The following ANKS1B variants were observed in gnomAD, a reference collection of about 807,000 sequenced individuals.
The protein encoded by ANKS1B is ankyrin repeat and sterile alpha motif domain-containing protein 1B.
ANKS1B carries 36 observed loss-of-function variants against 148.3 expected under a neutral mutation model. The observed-to-expected ratio is 0.24, with a 90% confidence interval of 0.19 to 0.32. The LOEUF (loss-of-function observed/expected upper bound fraction) is 0.32. Ranked by LOEUF, ANKS1B falls within the 10% of genes least tolerant of loss-of-function variation. The pLI, the probability that ANKS1B is intolerant of heterozygous loss-of-function variation, is 1.00. For missense variants in ANKS1B, 1,157 were observed against 1,542.6 expected (o/e 0.75, Z 4.19); for synonymous variants, 542 against 560.8 (o/e 0.97, Z 0.47).
chr12:98,825,147 A>G (rs2099237440), intron 19 of ANKS1B, among the ~76,000 whole-genome samples: 1 of 152,150 alleles, frequency 6.6e-6, no homozygotes, highest in African/African-American at 2.4e-5. Flanking sequence ...AGATGTGCAC[A>G]TAGGCTCTTG....
At chr12:99,447,012 C>G (rs1264309792) in intron 10 of ANKS1B, among the ~76,000 whole-genome samples, 1 of 151,816 alleles carries the variant, frequency 6.6e-6, no homozygotes, top group Admixed American at 6.6e-5. Flanking sequence ...CCTGAATAGA[C>G]AAAGCAACCT....
At chr12:99,875,340 T>C (rs944357620) in intron 1 of ANKS1B, among the ~76,000 whole-genome samples, 1 of 152,156 alleles carries the variant, frequency 6.6e-6, no homozygotes, top group Admixed American at 6.5e-5. Flanking sequence ...GAAAGCCAGC[T>C]TGTAGATTTG....
chr12:99,978,379 G>T (rs560622772), intron 1 of ANKS1B, among the ~76,000 whole-genome samples: 9 of 152,232 alleles, frequency 5.9e-5, no homozygotes, highest in South Asian at 4.1e-4. Flanking sequence ...GGAGAAAGAG[G>T]TCAATACCAA....
chr12:99,098,201 T>C lies in ANKS1B; in HGVS notation c.2527-13178A>G, dbSNP rs561381970. 2.6e-5 allele frequency among the ~76,000 whole-genome samples: 4 copies of C among 152,294 alleles called. No homozygotes were observed. The South Asian group carries it at 8.3e-4, about 32-fold the overall frequency. ...TAGGAACTTGGCTGAGATCACACAG[T>C]AAGTGGCAGAGCTGCTTTGGAAATG... is the stretch of plus-strand genomic sequence containing the variant. On this transcript the variant is annotated intron_variant, in intron 15 of 26. Coordinates refer to ENST00000683438, the MANE Select transcript of ANKS1B (RefSeq NM_001352186.2).
At chr12:99,872,408 T>C (rs547882580) in intron 1 of ANKS1B, among the ~76,000 whole-genome samples, 2 of 152,218 alleles carry the variant, frequency 1.3e-5, no homozygotes, top group African/African-American at 4.8e-5. Flanking sequence ...TCTGTATGTA[T>C]GATATACTTC....
At chr12:99,201,878 C>T (rs1036511168) in intron 14 of ANKS1B, among the ~76,000 whole-genome samples, 56 of 152,208 alleles carry the variant, frequency 3.7e-4, no homozygotes, top group African/African-American at 1.3e-3. Context: ...TTTTTAAGAG[C>T]TACTGTGTAA....
chr12:99,477,882 G>T (rs1461054384), intron 10 of ANKS1B, among the ~76,000 whole-genome samples: 1 of 152,056 alleles, frequency 6.6e-6, no homozygotes, highest in Non-Finnish European at 1.5e-5. Context: ...TAGAAATAAA[G>T]GCACCTCAGT....
At chr12:99,718,378 C>A (rs925608676) in intron 8 of ANKS1B, among the ~76,000 whole-genome samples, 3 of 152,082 alleles carry the variant, frequency 2.0e-5, no homozygotes, top group Admixed American at 6.5e-5. Context: ...TGTATCCCCC[C>A]ACCTTAACCC....
intron 12 of ANKS1B, among the ~76,000 whole-genome samples, chr12:99,376,459 G>A (rs184157081): frequency 6.6e-6 from 1 of 152,290 alleles, no homozygotes; most frequent in East Asian, 1.9e-4. Flanking sequence ...TTTCAGGTTT[G>A]TGGAAAGGTG....
chr12:99,139,236 C>T (rs2069259339), intron 15 of ANKS1B, among the ~76,000 whole-genome samples: 1 of 145,970 alleles, frequency 6.9e-6, no homozygotes, highest in African/African-American at 2.6e-5. Flanking sequence ...TTCCTTCCTT[C>T]CTTCTCTCTT....
chr12:99,689,483 A>T (rs2098667600), intron 8 of ANKS1B, among the ~76,000 whole-genome samples: 1 of 152,232 alleles, frequency 6.6e-6, no homozygotes, highest in Non-Finnish European at 1.5e-5. Flanking sequence ...ATGTCAGCTC[A>T]ATCTGTGAAT....
At chr12:98,985,140 T>A (rs2099922522) in intron 17 of ANKS1B, among the ~76,000 whole-genome samples, 1 of 152,206 alleles carries the variant, frequency 6.6e-6, no homozygotes, top group Non-Finnish European at 1.5e-5. Flanking sequence ...TTTGAGACAG[T>A]CTCACTCTGT....
At chr12:99,608,411 A>G (rs1054098690) in intron 9 of ANKS1B, among the ~76,000 whole-genome samples, 2 of 152,130 alleles carry the variant, frequency 1.3e-5, no homozygotes, top group African/African-American at 4.8e-5. Context: ...AGAAACAAAG[A>G]GGATGGAAAC....
At chr12:99,461,058 A>G (rs1048986484) in intron 10 of ANKS1B, among the ~76,000 whole-genome samples, 11 of 150,560 alleles carry the variant, frequency 7.3e-5, no homozygotes, top group African/African-American at 2.7e-4. Flanking sequence ...GTATATATAT[A>G]TATATATACA....
chr12:99,736,330 A>G (rs2059613330), intron 8 of ANKS1B, among the ~76,000 whole-genome samples: 2 of 150,548 alleles, frequency 1.3e-5, no homozygotes, highest in African/African-American at 4.9e-5. Flanking sequence ...AGACAATTTG[A>G]TCTTATATTT....
At chr12:99,869,231 A>C (rs889081714) in intron 1 of ANKS1B, among the ~76,000 whole-genome samples, 4 of 152,186 alleles carry the variant, frequency 2.6e-5, no homozygotes, top group Non-Finnish European at 5.9e-5. Context: ...TATAAAAATT[A>C]ATATAAAAAA....
chr12:99,973,897 G>C (rs1437522043), intron 1 of ANKS1B, among the ~76,000 whole-genome samples: 1 of 152,182 alleles, frequency 6.6e-6, no homozygotes. Context: ...ATCAACAAAG[G>C]ATTTATAACA....
chr12:99,476,330 T>C (rs545956191), intron 10 of ANKS1B, among the ~76,000 whole-genome samples: 1 of 152,096 alleles, frequency 6.6e-6, no homozygotes, highest in East Asian at 1.9e-4. Context: ...GAGGTGCAGG[T>C]TGCAGTGAGC....
intron 10 of ANKS1B, among the ~76,000 whole-genome samples, chr12:99,485,396 C>T (rs761730121): frequency 1.2e-4 from 18 of 152,018 alleles, no homozygotes; most frequent in Non-Finnish European, 2.2e-4. Context: ...TTCCTTTGTA[C>T]GTTACCTGAT....
Sources: gnomAD v4.1 joint callset for allele counts (sites outside exome capture counted in the v4.1 genomes callset) on GRCh38, gnomAD v4.1.1 for gene constraint, MANE v1.5 for transcripts, NCBI Gene and HGNC (gene_info 2026-07-23, HGNC 2026-07-21) for gene names.